The following PTGER3 variants were observed in gnomAD, a reference collection of about 807,000 sequenced individuals.
PTGER3 encodes prostaglandin E2 receptor EP3 subtype.
A neutral mutation model predicts 34.7 loss-of-function variants in PTGER3; 22 were observed. That is an observed-to-expected ratio of 0.63 (90% CI 0.45 to 0.91). The LOEUF is 0.91. Ranked by LOEUF, PTGER3 falls within the 40% of genes least tolerant of loss-of-function variation. The pLI, the probability that PTGER3 is intolerant of heterozygous loss-of-function variation, is 0.00. For missense variants in PTGER3, 468 were observed against 519.4 expected (o/e 0.90, Z 0.96); for synonymous variants, 241 against 230.1 (o/e 1.05, Z -0.43).
At chr1:70,923,326 T>C (rs1445961719) in intron 4 of PTGER3, among the ~76,000 whole-genome samples, 2 of 152,180 alleles carry the variant, frequency 1.3e-5, no homozygotes, top group East Asian at 1.9e-4. Context: ...ATAATTGTTA[T>C]GTGAAATTGC....
At chr1:70,908,039 C>G (rs1213820508) in intron 4 of PTGER3, among the ~76,000 whole-genome samples, 1 of 152,170 alleles carries the variant, frequency 6.6e-6, no homozygotes, top group East Asian at 1.9e-4. Context: ...TCAGTTCATG[C>G]AAGACAGGCT....
intron 4 of PTGER3, among the ~76,000 whole-genome samples, chr1:70,881,807 G>T (rs140298685): frequency 6.6e-6 from 1 of 152,272 alleles, no homozygotes; most frequent in East Asian, 1.9e-4. Context: ...TTCCTTGCTG[G>T]GTTGGCCCTA....
chr1:70,996,940 G>C (rs1376840524), intron 2 of PTGER3, among the ~76,000 whole-genome samples: 1 of 152,168 alleles, frequency 6.6e-6, no homozygotes, highest in Non-Finnish European at 1.5e-5. Flanking sequence ...GGGATTGCAG[G>C]CATGAGCCAC....
chr1:71,037,309 C>T (rs765415324), intron 1 of PTGER3, among the ~76,000 whole-genome samples: 4 of 152,172 alleles, frequency 2.6e-5, no homozygotes, highest in East Asian at 1.9e-4. Context: ...GGCTTACCAT[C>T]GAGGCTACCA....
At chr1:70,902,321 G>A (rs1646858074) in intron 4 of PTGER3, among the ~76,000 whole-genome samples, 3 of 152,118 alleles carry the variant, frequency 2.0e-5, no homozygotes, top group Admixed American at 6.5e-5. Flanking sequence ...AGGTTGTCAG[G>A]TGCCATGCAG....
intron 4 of PTGER3, among the ~76,000 whole-genome samples, chr1:70,900,544 GA>G (rs5775034): frequency 0.29 from 44,680 of 152,022 alleles, 6,850 homozygotes; most frequent in South Asian, 0.46. Flanking sequence ...TACAAATGAT[GA>G]ATTTAGAGCG....
rs1350803989 is a variant in PTGER3 at position 71,036,700 on chromosome 1, G to A, written c.897+9981C>T. On this transcript the variant is annotated intron_variant, in intron 1 of 3. Coordinates refer to ENST00000306666, the MANE Select transcript of PTGER3 (RefSeq NM_198719.2). ...CCAAAAATACAAAAACTAGCCGGGT[G>A]TGGTGGTGGGCTCCTGTAGTCCCAG... Among the ~76,000 whole-genome samples, 5 of 151,928 alleles carry A rather than the reference G, an allele frequency of 3.3e-5. 1 individual carries two copies. Among genetic ancestry groups the A allele is most frequent in the African/African-American group, 1.2e-4 (5 of 41,352 alleles).
intron 4 of PTGER3, among the ~76,000 whole-genome samples, chr1:70,897,144 T>C (rs1444048412): frequency 1.1e-4 from 16 of 152,126 alleles, no homozygotes; most frequent in Admixed American, 1.0e-3. Context: ...GAGACCCCGT[T>C]CCCCTTTCCT....
chr1:70,933,379 G>C (rs1648907923), intron 4 of PTGER3, among the ~76,000 whole-genome samples: 1 of 152,028 alleles, frequency 6.6e-6, no homozygotes, highest in Non-Finnish European at 1.5e-5. Context: ...ATCATAAAAA[G>C]ATCATAAAAA....
intron 2 of PTGER3, chr1:71,008,092 A>T: frequency 2.0e-6 from 2 of 982,178 alleles, no homozygotes; most frequent in Non-Finnish European, 2.4e-6. Context: ...TCCCAGCCTC[A>T]TCAACAGGAA....
At chr1:70,940,704 C>T (rs575475896) in intron 4 of PTGER3, among the ~76,000 whole-genome samples, 1 of 152,212 alleles carries the variant, frequency 6.6e-6, no homozygotes, top group African/African-American at 2.4e-5. Flanking sequence ...AAAACTTGCC[C>T]CATGATTCAA....
intron 4 of PTGER3, among the ~76,000 whole-genome samples, chr1:70,920,369 C>A (rs374272721): frequency 2.0e-5 from 3 of 152,236 alleles, no homozygotes; most frequent in East Asian, 3.9e-4. Context: ...AGATTTCTAG[C>A]CCTTGTGTAA....
At position 71,009,775 on chromosome 1, in the gene PTGER3, C is replaced by G. The variant is rs996336729; in HGVS notation, c.1077+2530G>C. The stretch of plus-strand genomic sequence containing the variant: ...TTTCCTGATTAGACATATGTATGGA[C>G]AAACTAAGTATACATGAGTGAACTT... On this transcript the variant is annotated intron_variant, in intron 2 of 3. Transcript: ENST00000306666. The G allele has an allele frequency of 1.7e-5, 17 of 985,110 alleles. No homozygotes were observed. The African/African-American group carries it at 2.4e-4, about 14-fold the overall frequency. 61.0% of individuals were successfully genotyped at this position (985,110 alleles called of 1,614,324 possible). A position where few individuals can be genotyped will look rare whatever the true frequency, so the allele number is the denominator to read the frequency against.
chr1:70,922,993 G>T (rs1020845046), intron 4 of PTGER3, among the ~76,000 whole-genome samples: 21 of 152,142 alleles, frequency 1.4e-4, no homozygotes, highest in African/African-American at 5.1e-4. Context: ...CTTATGATCT[G>T]ACCTGTAAGA....
chr1:71,019,335 T>G (rs1264453395), intron 1 of PTGER3, among the ~76,000 whole-genome samples: 2 of 152,148 alleles, frequency 1.3e-5, no homozygotes, highest in African/African-American at 4.8e-5. Flanking sequence ...ATATAACAAA[T>G]GATCTGGTCA....
chr1:70,929,809 A>T (rs1446587306), intron 4 of PTGER3, among the ~76,000 whole-genome samples: 1 of 152,234 alleles, frequency 6.6e-6, no homozygotes, highest in Non-Finnish European at 1.5e-5. Flanking sequence ...GCAGTGAGAG[A>T]GATAAATGAG....
chr1:70,880,193 T>C (rs1489872595), intron 4 of PTGER3, among the ~76,000 whole-genome samples: 1 of 152,184 alleles, frequency 6.6e-6, no homozygotes, highest in Non-Finnish European at 1.5e-5. Flanking sequence ...CAACGACCTA[T>C]ATGCTCAAGT....
intron 2 of PTGER3, among the ~76,000 whole-genome samples, chr1:70,984,279 T>G (rs1459463054): frequency 6.6e-6 from 1 of 151,376 alleles, no homozygotes; most frequent in Admixed American, 6.6e-5. Flanking sequence ...CCCAGCTACT[T>G]GGAAGGCTGA....
chr1:70,861,243 T>C (rs1645920916), intron 4 of PTGER3, among the ~76,000 whole-genome samples: 1 of 152,220 alleles, frequency 6.6e-6, no homozygotes, highest in African/African-American at 2.4e-5. Context: ...TTTTGAATAA[T>C]TTTTGGCTTG....
Sources: gnomAD v4.1 joint callset for allele counts (sites outside exome capture counted in the v4.1 genomes callset) on GRCh38, gnomAD v4.1.1 for gene constraint, MANE v1.5 for transcripts, NCBI Gene and HGNC (gene_info 2026-07-23, HGNC 2026-07-21) for gene names.